AGBL1: variants seen among roughly 807,000 people sequenced by gnomAD.
AGBL1 encodes the protein AGBL carboxypeptidase 1.
AGBL1 carries 130 observed loss-of-function variants against 118.9 expected under a neutral mutation model. The observed-to-expected ratio is 1.09, with a 90% CI of 0.95 to 1.26. The LOEUF is 1.26. Ranked by LOEUF, AGBL1 falls within the 50% of genes most tolerant of loss-of-function variation. The pLI is 0.00. For missense variants in AGBL1, 1,584 were observed against 1,298.1 expected, an observed-to-expected ratio of 1.22 and a Z score of -3.38; for synonymous variants, 555 against 478.9, an observed-to-expected ratio of 1.16 and a Z score of -2.08.
At chr15:86,503,320 C>G (rs372632352) in intron 18 of AGBL1, among the ~76,000 whole-genome samples, 2 of 151,282 alleles carry the variant, frequency 1.3e-5, no homozygotes, top group South Asian at 2.1e-4. Flanking sequence ...TAATTTACAT[C>G]TTTTCTTCCT....
intron 22 of AGBL1, among the ~76,000 whole-genome samples, chr15:86,794,056 T>C (rs117834721): frequency 0.014 from 2,188 of 152,302 alleles, 28 homozygotes; most frequent in Non-Finnish European, 0.022. Context: ...CCTCAAACAG[T>C]TAAACATAAA....
At chr15:86,806,193 T>G (rs2078711667) in intron 22 of AGBL1, among the ~76,000 whole-genome samples, 1 of 152,104 alleles carries the variant, frequency 6.6e-6, no homozygotes, top group Non-Finnish European at 1.5e-5. Context: ...GCATTTGGGA[T>G]TCTATGATTC....
chr15:86,253,188 C>T (rs930368447), intron 7 of AGBL1, among the ~76,000 whole-genome samples: 17 of 152,094 alleles, frequency 1.1e-4, no homozygotes, highest in African/African-American at 4.1e-4. Context: ...ATGGGCAGTG[C>T]CAGGGCATTT....
At chr15:86,263,817 G>A (rs879773330) in intron 10 of AGBL1, among the ~76,000 whole-genome samples, 1 of 152,176 alleles carries the variant, frequency 6.6e-6, no homozygotes, top group Non-Finnish European at 1.5e-5. Flanking sequence ...TAAGTCATGT[G>A]TACAGAGGGA....
At chr15:86,555,456 A>G (rs1196602239) in intron 21 of AGBL1, among the ~76,000 whole-genome samples, 1 of 152,188 alleles carries the variant, frequency 6.6e-6, no homozygotes, top group African/African-American at 2.4e-5. Context: ...GGCAATGCAC[A>G]TTATCTAACT....
chr15:86,829,919 A>G (rs1339907163), intron 22 of AGBL1, among the ~76,000 whole-genome samples: 2 of 152,140 alleles, frequency 1.3e-5, no homozygotes, highest in Non-Finnish European at 2.9e-5. Context: ...CGCCCATAGT[A>G]TACCACTTTT....
At chr15:86,822,117 G>T (rs1166938398) in intron 22 of AGBL1, among the ~76,000 whole-genome samples, 1 of 152,116 alleles carries the variant, frequency 6.6e-6, no homozygotes, top group Non-Finnish European at 1.5e-5. Flanking sequence ...ATGAACTTGT[G>T]ACCAATAAAA....
chr15:86,418,227 A>T (rs759186823), intron 18 of AGBL1, among the ~76,000 whole-genome samples: 4 of 152,220 alleles, frequency 2.6e-5, no homozygotes, highest in Non-Finnish European at 5.9e-5. Context: ...GTACTAGAAG[A>T]CATATCACCA....
Position 86,522,941 on chromosome 15 carries a change from T to G in AGBL1, c.2685+2T>G. ...AGCAGCATTGGCCGAAGTCCCGTGGTGAGTCACTTCCTTCTGCCTCCACCT... is the reference window on the plus strand; with the variant it reads ...AGCAGCATTGGCCGAAGTCCCGTGGGGAGTCACTTCCTTCTGCCTCCACCT... On this transcript the variant is annotated splice_donor_variant, in intron 19 of 22. Coordinates refer to ENST00000614907, the MANE Select transcript of AGBL1 (RefSeq NM_001386094.1). LOFTEE classifies it high-confidence loss of function. The G allele has an allele frequency of 6.2e-7, 1 of 1,613,716 alleles. No individual in the cohort carries two copies. The highest frequency in any genetic ancestry group is 8.5e-7 in the Non-Finnish European group (1 of 1,179,636).
chr15:86,145,924 A>C (rs2077027759), intron 3 of AGBL1, among the ~76,000 whole-genome samples: 1 of 152,220 alleles, frequency 6.6e-6, no homozygotes. Context: ...CATGGTCAGG[A>C]GAGGTGACAT....
intron 21 of AGBL1, among the ~76,000 whole-genome samples, chr15:86,673,407 C>G (rs976563624): frequency 3.3e-5 from 5 of 152,210 alleles, no homozygotes; most frequent in African/African-American, 1.2e-4. Context: ...CACTTTCTAG[C>G]TCACCACAAT....
At chr15:86,525,493 T>C (rs1276156931) in intron 19 of AGBL1, among the ~76,000 whole-genome samples, 1 of 152,120 alleles carries the variant, frequency 6.6e-6, no homozygotes, top group African/African-American at 2.4e-5. Flanking sequence ...ATACTACCAG[T>C]CTATATTTAC....
chr15:86,889,211 A>G (rs16978060), intron 22 of AGBL1, among the ~76,000 whole-genome samples: 12,624 of 151,998 alleles, frequency 0.083, 727 homozygotes, highest in East Asian at 0.29. Flanking sequence ...TTTGAAGCAT[A>G]TAAGATAGAA....
At chr15:86,770,895 T>C (rs186313563) in intron 22 of AGBL1, among the ~76,000 whole-genome samples, 2 of 152,058 alleles carry the variant, frequency 1.3e-5, no homozygotes, top group African/African-American at 4.8e-5. Context: ...TTCTCAAACC[T>C]GGGCACACAG....
chr15:86,671,390 C>T (rs551899973), intron 21 of AGBL1, among the ~76,000 whole-genome samples: 31 of 152,202 alleles, frequency 2.0e-4, no homozygotes, highest in African/African-American at 6.7e-4. Flanking sequence ...AAAATAAAAC[C>T]TCGTTTAAGT....
At chr15:86,880,605 T>C (rs1049534661) in intron 22 of AGBL1, among the ~76,000 whole-genome samples, 5 of 152,194 alleles carry the variant, frequency 3.3e-5, no homozygotes, top group African/African-American at 1.2e-4. Flanking sequence ...TATGTGTGCA[T>C]ATACATGTGC....
At chr15:86,229,600 T>G (rs1452481342) in intron 6 of AGBL1, among the ~76,000 whole-genome samples, 3 of 152,200 alleles carry the variant, frequency 2.0e-5, no homozygotes, top group South Asian at 2.1e-4. Flanking sequence ...TACCTTCATC[T>G]CTGTCTTTTC....
intron 22 of AGBL1, among the ~76,000 whole-genome samples, chr15:86,741,607 G>C (rs1011599893): frequency 2.6e-5 from 4 of 151,866 alleles, no homozygotes; most frequent in African/African-American, 4.8e-5. Flanking sequence ...TTGAAATTTA[G>C]ATCAGGAGGC....
At chr15:86,305,248 G>T (rs1220454285) in intron 17 of AGBL1, among the ~76,000 whole-genome samples, 1 of 152,028 alleles carries the variant, frequency 6.6e-6, no homozygotes, top group Non-Finnish European at 1.5e-5. Context: ...AAAATATGTG[G>T]TTTTCATAAA....
Sources: allele counts gnomAD v4.1 joint callset (sites outside exome capture counted in the v4.1 genomes callset), GRCh38; gene constraint gnomAD v4.1.1; transcripts MANE v1.5; gene names NCBI Gene and HGNC (gene_info 2026-07-23, HGNC 2026-07-21).